The following CDCA7L variants were observed in gnomAD, a reference collection of about 807,000 sequenced individuals.
CDCA7L encodes the protein cell division cycle associated 7 like, also known as cell division cycle-associated 7-like protein.
A neutral mutation model predicts 57.4 loss-of-function variants in CDCA7L; 44 were observed. The ratio of observed to expected loss-of-function variants is 0.77; its 90% CI spans 0.60 to 0.98. The LOEUF (loss-of-function observed/expected upper bound fraction) is 0.98. CDCA7L is among the 50% of genes least tolerant of loss of function. CDCA7L has a pLI of 0.00. For missense variants in CDCA7L, 644 were observed against 580.6 expected (o/e 1.11, Z -1.12); for synonymous variants, 236 against 202.8 (o/e 1.16, Z -1.39).
At chr7:21,905,713 C>G (rs1785117762) in intron 6 of CDCA7L, 82 bp from the exon 7 acceptor site, 2 of 1,434,986 alleles carry the variant, frequency 1.4e-6, no homozygotes, top group Admixed American at 2.1e-5. Context: ...TCTCAAAGAT[C>G]TAGCACCATT....
In CDCA7L at chr7:21,911,601, C is replaced by T; in HGVS notation, c.303+16G>A. The T allele has an allele frequency of 5.0e-6, 8 of 1,604,206 alleles. No homozygotes were observed. Among genetic ancestry groups the T allele is most frequent in the Non-Finnish European group, 6.8e-6 (8 of 1,177,030 alleles). On this transcript the variant is annotated intron_variant, in intron 3 of 9. Transcript: ENST00000406877. ...AAAACGTTACCACCCACATCCCTTC[C>T]TGTTGTAATTATTACCATTACTTCT...
intron 6 of CDCA7L, 163 bp from the exon 7 acceptor site, chr7:21,905,794 C>A (rs1198264583): frequency 8.0e-6 from 6 of 749,124 alleles, no homozygotes; most frequent in Non-Finnish European, 1.2e-5. Flanking sequence ...CTCCTGCCAC[C>A]TGCCAAGCTT....
intron 1 of CDCA7L, among the ~76,000 whole-genome samples, chr7:21,918,988 A>G (rs1377784430): frequency 1.3e-5 from 2 of 151,652 alleles, no homozygotes; most frequent in Non-Finnish European, 2.9e-5. Context: ...CTTTTTTTTT[A>G]TATTTTTTAT....
chr7:21,905,232 T>G (rs943837330), intron 7 of CDCA7L, among the ~76,000 whole-genome samples: 38 of 25,972 alleles, frequency 1.5e-3, no homozygotes, highest in African/African-American at 2.1e-3. Flanking sequence ...GCTTAAACCA[T>G]TAACAGTTAC....
chr7:21,910,255 C>T (rs1263323004), intron 3 of CDCA7L, among the ~76,000 whole-genome samples: 1 of 152,096 alleles, frequency 6.6e-6, no homozygotes, highest in Admixed American at 6.5e-5. Flanking sequence ...ATCTTAATAT[C>T]GTGCTGGCAA....
At chr7:21,916,994 A>G in intron 1 of CDCA7L, 100 bp from the exon 2 acceptor site, 1 of 1,395,232 alleles carries the variant, frequency 7.2e-7, no homozygotes, top group Non-Finnish European at 1.0e-6. Context: ...ACTTCATCCA[A>G]CTGCCACGGT....
rs112868844 is a variant in CDCA7L, at chr7:21,904,826, C to T, written c.1048-567G>A. 2.1e-3 allele frequency among the ~76,000 whole-genome samples: 324 copies of T among 152,036 alleles called. 2 individuals carry two copies. The highest frequency in any genetic ancestry group is 7.6e-3 in the African/African-American group (316 of 41,458). On this transcript the variant is annotated intron_variant, in intron 7 of 9. Transcript: ENST00000406877. The stretch of plus-strand genomic sequence containing the variant: ...AGGTCAGATGAGGCTGAGCAGAGAC[C>T]CAGAAGGAATGAAATGATCAGGCTG...
chr7:21,925,634 A>G (rs1487161431), intron 1 of CDCA7L, among the ~76,000 whole-genome samples: 2 of 152,220 alleles, frequency 1.3e-5, no homozygotes, highest in East Asian at 3.8e-4. Context: ...TCATGCCTGC[A>G]ATCCCAGTGC....
chr7:21,930,016 T>C (rs1012504454), intron 1 of CDCA7L, among the ~76,000 whole-genome samples: 13 of 152,310 alleles, frequency 8.5e-5, no homozygotes, highest in Middle Eastern at 3.4e-3. Flanking sequence ...AGAATATACA[T>C]TCTTCTCAGC....
rs145309758 is a variant in CDCA7L at position 21,902,419 on chromosome 7, A to T, written c.1335-67T>A. ...ACACAAATGGCATTCTAGGCTTGAGAGATTCCACAATCATCTAAGAGTACA... is the reference window on the plus strand; with the variant it reads ...ACACAAATGGCATTCTAGGCTTGAGTGATTCCACAATCATCTAAGAGTACA... On this transcript the variant is annotated intron_variant, in intron 9 of 9. Transcript: ENST00000406877. 4.8e-6 allele frequency: 7 copies of T among 1,447,438 alleles called. No individual in the cohort carries two copies. In the African/African-American group the frequency reaches 7.0e-5, roughly 14 times the overall value. The allele number at this position is 1,447,438 out of a possible 1,614,324, so 89.7% of individuals were successfully genotyped here.
At chr7:21,911,894 T>C (rs1241370539) in intron 2 of CDCA7L, 140 bp from the exon 3 acceptor site, 5 of 671,610 alleles carry the variant, frequency 7.4e-6, no homozygotes, top group Non-Finnish European at 1.3e-5. Context: ...GTGAATGTAC[T>C]TAATGCACTG....
At position 21,906,469 on chromosome 7, in the gene CDCA7L, G is replaced by A; in HGVS notation, c.754-13C>T. 1.2e-6 allele frequency: 2 copies of A among 1,609,926 alleles called. No homozygotes were observed. Among genetic ancestry groups the A allele is most frequent in the Non-Finnish European group, 1.7e-6 (2 of 1,177,158 alleles). ...CTGTCTTCTTCCTCTGAAATCAAGA[G>A]CACAGACAGAGACAACTGGGGACTC... is the stretch of plus-strand genomic sequence containing the variant. On this transcript the variant is annotated splice_polypyrimidine_tract_variant and intron_variant, in intron 5 of 9. Transcript: ENST00000406877.
chr7:21,943,226 G>C (rs572869409), intron 1 of CDCA7L, among the ~76,000 whole-genome samples: 2 of 152,236 alleles, frequency 1.3e-5, no homozygotes, highest in African/African-American at 2.4e-5. Flanking sequence ...TGGGGGAAGC[G>C]TAATCACTGT....
At position 21,945,818 on chromosome 7, in the gene CDCA7L, G is replaced by A. The variant is rs1286915732; in HGVS notation, c.-14C>T. The A allele has an allele frequency of 3.1e-6, 5 of 1,598,096 alleles. No individual in the cohort carries two copies. Among genetic ancestry groups the A allele is most frequent in the Admixed American group, 1.7e-5 (1 of 58,358 alleles). ...CGCCAACTCCATTCTTCCTAACCGG[G>A]CTCCAGTCTCCTCCCAGCACGCGGC... On this transcript the variant is annotated 5_prime_UTR_variant, in exon 1 of 10. Transcript: ENST00000406877.
rs1176354477 is a variant in CDCA7L at position 21,943,875 on chromosome 7, G to A, written c.24+1906C>T. ...CTACCAAAAATTAGCCTCATTGTGT[G>A]GCAGTAAACGCTCACTTCCAACTAC... On this transcript the variant is annotated intron_variant, in intron 1 of 9. Coordinates refer to ENST00000406877, the MANE Select transcript of CDCA7L (RefSeq NM_018719.5). Among the ~76,000 whole-genome samples, 6 of 152,264 alleles carry A rather than the reference G, an allele frequency of 3.9e-5. No individual in the cohort carries two copies. In the East Asian group the frequency reaches 1.2e-3, roughly 29 times the overall value.
chr7:21,941,155 A>C (rs6946675), intron 1 of CDCA7L, among the ~76,000 whole-genome samples: 23,195 of 152,178 alleles, frequency 0.15, 1,903 homozygotes, highest in East Asian at 0.33. Flanking sequence ...AGACTCCAAC[A>C]CAAGCCGTAA....
chr7:21,915,646 A>AG (rs1198836877), intron 2 of CDCA7L, among the ~76,000 whole-genome samples: 4 of 112,832 alleles, frequency 3.5e-5, no homozygotes, highest in African/African-American at 1.5e-4. Flanking sequence ...AAAAAAAAAA[A>AG]AAAAAAAAAA....
intron 1 of CDCA7L, among the ~76,000 whole-genome samples, chr7:21,918,008 G>C (rs1322923761): frequency 1.3e-5 from 1 of 78,462 alleles, no homozygotes; most frequent in African/African-American, 7.7e-5. Context: ...TTTCTTTTTA[G>C]ATAGACCATG....
At chr7:21,907,833 C>A (rs1785189279) in intron 4 of CDCA7L, among the ~76,000 whole-genome samples, 1 of 152,104 alleles carries the variant, frequency 6.6e-6, no homozygotes, top group Non-Finnish European at 1.5e-5. Context: ...CCCCTCTCAT[C>A]CCCAACACAA....
Sources: gnomAD v4.1 joint callset for allele counts (sites outside exome capture counted in the v4.1 genomes callset) on GRCh38, gnomAD v4.1.1 for gene constraint, MANE v1.5 for transcripts, NCBI Gene and HGNC (gene_info 2026-07-23, HGNC 2026-07-21) for gene names.